The following PPM1D variants were observed in gnomAD, a reference collection of about 807,000 sequenced individuals.
PPM1D encodes the protein protein phosphatase 1D.
Under a neutral mutation model 58.3 loss-of-function variants are expected in PPM1D, and 52 were observed. That is an observed-to-expected ratio of 0.89 (90% CI 0.71 to 1.12). The LOEUF (loss-of-function observed/expected upper bound fraction) is 1.12, where lower values mean the gene tolerates loss of function less well. Ranked by LOEUF, PPM1D falls within the 50% of genes most tolerant of loss-of-function variation. The pLI, the probability that PPM1D is intolerant of heterozygous loss-of-function variation, is 0.00. For missense variants in PPM1D, 564 were observed against 777.2 expected (o/e 0.73, Z 3.26); for synonymous variants, 278 against 285.1 (o/e 0.98, Z 0.25).
At position 60,663,181 on chromosome 17, in the gene PPM1D, AC is replaced by A. The variant is rs1472424994; in HGVS notation, c.1448del (p.Thr483IlefsTer2). ...PLEENCAKAL[T>X]LRIHDSLNNS... is the part of the protein sequence containing the mutation. ...TGAAGAAAATTGCGCTAAAGCCCTG[AC>A]TTTAAGGATACATGATTCTTTGAAT... On this transcript the variant is annotated frameshift_variant, in exon 6 of 6. Coordinates refer to ENST00000305921, the MANE Select transcript of PPM1D (RefSeq NM_003620.4). LOFTEE classifies it high-confidence loss of function. 6.2e-7 allele frequency: 1 copy of A among 1,614,046 alleles called. No individual in the cohort carries two copies. The highest frequency in any genetic ancestry group is 8.5e-7 in the Non-Finnish European group (1 of 1,179,996).
At chr17:60,662,671 T>C (rs1252110521) in intron 5 of PPM1D, among the ~76,000 whole-genome samples, 1 of 152,228 alleles carries the variant, frequency 6.6e-6, no homozygotes, top group East Asian at 1.9e-4. Context: ...TTAATGTATC[T>C]TATTTTTGTT....
In PPM1D at chr17:60,663,455, A is replaced by T; in HGVS notation, c.1721A>T (p.Asn574Ile). Residue 574 changes from asparagine (N) to isoleucine (I), a missense_variant, in exon 6 of 6, where the codon AAC becomes ATC. Around this residue, in one of 7 missense-constraint regions of PPM1D, gnomAD observed 261 missense variants for 270.1 expected, o/e 0.97. Transcript: ENST00000305921. The part of the protein sequence containing the change: ...ASLPTTSQRK[N>I]SVKLTMRRRL... ...CTCCCCACAACCTCACAGCGAAAGA[A>T]CTCTGTTAAACTCACCATGCGACGC... The T allele has an allele frequency of 1.2e-6, 2 of 1,614,102 alleles. No homozygotes were observed. Among genetic ancestry groups the T allele is most frequent in the Non-Finnish European group, 1.7e-6 (2 of 1,180,026 alleles).
intron 4 of PPM1D, among the ~76,000 whole-genome samples, chr17:60,654,834 C>G (rs2031405203): frequency 6.7e-6 from 1 of 149,354 alleles, no homozygotes; most frequent in Non-Finnish European, 1.5e-5. Flanking sequence ...TGCCATTGCA[C>G]TCCAGCCTGG....
At chr17:60,653,853 A>C (rs973897032) in intron 4 of PPM1D, among the ~76,000 whole-genome samples, 2 of 152,156 alleles carry the variant, frequency 1.3e-5, no homozygotes, top group African/African-American at 4.8e-5. Context: ...GTATATGTAA[A>C]TGCTGCTGAT....
chr17:60,609,023 A>C (rs540133981), intron 1 of PPM1D, among the ~76,000 whole-genome samples: 2 of 152,044 alleles, frequency 1.3e-5, no homozygotes, highest in African/African-American at 4.8e-5. Context: ...CTGGGATTAC[A>C]GGCGTGAGCC....
At chr17:60,606,590 G>A (rs2030334241) in intron 1 of PPM1D, among the ~76,000 whole-genome samples, 1 of 151,922 alleles carries the variant, frequency 6.6e-6, no homozygotes, top group Non-Finnish European at 1.5e-5. Flanking sequence ...CCTGATGAAT[G>A]TGGACTGTCT....
chr17:60,630,725 A>G (rs948791400), intron 2 of PPM1D, among the ~76,000 whole-genome samples: 1 of 152,212 alleles, frequency 6.6e-6, no homozygotes, highest in African/African-American at 2.4e-5. Context: ...AACACAGATC[A>G]TAATATCTTT....
At chr17:60,610,485 CAAT>C (rs957760573) in intron 1 of PPM1D, among the ~76,000 whole-genome samples, 6 of 152,136 alleles carry the variant, frequency 3.9e-5, no homozygotes, top group Non-Finnish European at 7.4e-5. Context: ...TAATTAAAAA[CAAT>C]GATGTTTGGA....
In PPM1D at chr17:60,622,062, C is replaced by T. The variant is rs1232138857; in HGVS notation, c.473-1459C>T. On this transcript the variant is annotated intron_variant, in intron 1 of 5. Coordinates refer to ENST00000305921, the MANE Select transcript of PPM1D (RefSeq NM_003620.4). ...AAAATTAGTTGGGTGTGGTGGCAGG[C>T]GCCTGTAGTCCCAGCTATTTGGGAG... Among the ~76,000 whole-genome samples, 7 of 151,182 alleles carry T rather than the reference C, an allele frequency of 4.6e-5. No homozygotes were observed. The South Asian group carries it at 1.3e-3, about 27-fold the overall frequency.
At chr17:60,638,443 A>G (rs1326966059) in intron 3 of PPM1D, among the ~76,000 whole-genome samples, 2 of 151,902 alleles carry the variant, frequency 1.3e-5, no homozygotes, top group Non-Finnish European at 2.9e-5. Flanking sequence ...ATCTCAGCTC[A>G]CTGCAACTTC....
intron 1 of PPM1D, among the ~76,000 whole-genome samples, chr17:60,619,140 T>A (rs1041396731): frequency 6.6e-6 from 1 of 152,220 alleles, no homozygotes; most frequent in Non-Finnish European, 1.5e-5. Flanking sequence ...CAGTATTTGT[T>A]TTTTCTGTGT....
At position 60,623,486 on chromosome 17, in the gene PPM1D, C is replaced by G. The variant is rs1268811008; in HGVS notation, c.473-35C>G. 6 of 1,571,606 alleles carry G rather than the reference C, an allele frequency of 3.8e-6. 1 individual carries two copies. The highest frequency in any genetic ancestry group is 8.7e-7 in the Non-Finnish European group (1 of 1,152,750). On this transcript the variant is annotated intron_variant, in intron 1 of 5. Transcript: ENST00000305921. ...TCCTGACAGTGTATTAATGTTTATA[C>G]TTGCAAGAGTGAAATATTTTATTTC...
chr17:60,607,200 A>G (rs546302609), intron 1 of PPM1D, among the ~76,000 whole-genome samples: 61 of 152,194 alleles, frequency 4.0e-4, no homozygotes, highest in Non-Finnish European at 7.9e-4. Flanking sequence ...GTTTTAGGTT[A>G]TGCCTAATTT....
chr17:60,661,593 GA>G (rs2031526942), intron 5 of PPM1D, among the ~76,000 whole-genome samples: 1 of 152,076 alleles, frequency 6.6e-6, no homozygotes, highest in African/African-American at 2.4e-5. Context: ...GAAGCGTTGT[GA>G]AAACAGCATT....
At position 60,633,833 on chromosome 17, in the gene PPM1D, T is replaced by C; in HGVS notation, c.702-20T>C. The C allele has an allele frequency of 6.3e-7, 1 of 1,593,456 alleles. No individual in the cohort carries two copies. The highest frequency in any genetic ancestry group is 1.1e-5 in the South Asian group (1 of 88,836). On this transcript the variant is annotated intron_variant, in intron 2 of 5. Coordinates refer to ENST00000305921, the MANE Select transcript of PPM1D (RefSeq NM_003620.4). Reference sequence around the variant, plus strand: ...GTATTTTAATCATTTAGATTATTTATGTGAACTCTTTATTTTTAGTGTAAT... The same window carrying C: ...GTATTTTAATCATTTAGATTATTTACGTGAACTCTTTATTTTTAGTGTAAT...
chr17:60,645,606 A>ATG (rs1403591253), intron 3 of PPM1D, among the ~76,000 whole-genome samples: 23 of 138,264 alleles, frequency 1.7e-4, no homozygotes, highest in African/African-American at 6.3e-4. Context: ...ATGTATATAT[A>ATG]TGTGTGTATA....
rs1188042144 is a variant in PPM1D at position 60,663,432 on chromosome 17, C to T, written c.1698C>T (p.Leu566=). 2 of 1,614,058 alleles carry T rather than the reference C, an allele frequency of 1.2e-6. No homozygotes were observed. Among genetic ancestry groups the T allele is most frequent in the African/African-American group, 2.7e-5 (2 of 74,918 alleles). Residue 566 remains leucine (L), a synonymous_variant, in exon 6 of 6, where the codon CTC becomes CTT. Transcript: ENST00000305921. ...GTAGTGGTGCTCAGCCTGCAAGTCT[C>T]CCCACAACCTCACAGCGAAAGAACT... ...SRSSGAQPAS[L]PTTSQRKNSV...
At chr17:60,620,158 C>T (rs544146873) in intron 1 of PPM1D, among the ~76,000 whole-genome samples, 3 of 152,222 alleles carry the variant, frequency 2.0e-5, no homozygotes, top group African/African-American at 7.2e-5. Flanking sequence ...GCCACCATGC[C>T]TGGCTAATTT....
intron 1 of PPM1D, among the ~76,000 whole-genome samples, chr17:60,606,797 T>C (rs973764317): frequency 1.3e-5 from 2 of 152,032 alleles, no homozygotes; most frequent in Admixed American, 6.6e-5. Flanking sequence ...TATATAAATA[T>C]ATTCTTTTTT....
Sources: allele counts gnomAD v4.1 joint callset (sites outside exome capture counted in the v4.1 genomes callset), GRCh38; gene constraint gnomAD v4.1.1; regional missense constraint gnomAD v4.1.1; transcripts MANE v1.5; gene names NCBI Gene and HGNC (gene_info 2026-07-23, HGNC 2026-07-21).